VPS13B: variants seen among roughly 807,000 people sequenced by gnomAD.
VPS13B encodes the protein vacuolar protein sorting 13 homolog B.
In VPS13B, 285 loss-of-function variants were observed where a neutral mutation model predicts 426.4. The observed-to-expected ratio is 0.67, with a 90% confidence interval of 0.61 to 0.74. The LOEUF (loss-of-function observed/expected upper bound fraction) is 0.74, where lower values mean the gene tolerates loss of function less well. Ranked by LOEUF, VPS13B falls within the 30% of genes least tolerant of loss-of-function variation. VPS13B has a pLI of 0.00. For missense variants in VPS13B, 4,537 were observed against 4,782.6 expected (o/e 0.95, Z 1.51); for synonymous variants, 1,676 against 1,676.4 (o/e 1.00, Z 0.01).
chr8:99,032,442 C>A (rs898714472), intron 2 of VPS13B, among the ~76,000 whole-genome samples: 7 of 150,684 alleles, frequency 4.6e-5, no homozygotes, highest in Non-Finnish European at 8.9e-5. Flanking sequence ...TTATTAATTT[C>A]TTTTGTAATA....
intron 2 of VPS13B, among the ~76,000 whole-genome samples, chr8:99,029,243 C>T (rs1415890142): frequency 6.6e-6 from 1 of 151,082 alleles, no homozygotes; most frequent in Non-Finnish European, 1.5e-5. Context: ...AGGCGCTCCT[C>T]GCTTCCTAGA....
chr8:99,479,411 T>G (rs1819918539), intron 24 of VPS13B, among the ~76,000 whole-genome samples: 1 of 152,234 alleles, frequency 6.6e-6, no homozygotes, highest in South Asian at 2.1e-4. Context: ...AGAACTCATG[T>G]AAAGCCACCT....
At chr8:99,376,834 A>G (rs992853889) in intron 19 of VPS13B, among the ~76,000 whole-genome samples, 6 of 152,058 alleles carry the variant, frequency 3.9e-5, no homozygotes, top group Non-Finnish European at 7.4e-5. Context: ...ATTAAAAAAT[A>G]TATAGTATAT....
intron 30 of VPS13B, among the ~76,000 whole-genome samples, chr8:99,545,537 G>C (rs529678899): frequency 6.6e-6 from 1 of 152,062 alleles, no homozygotes; most frequent in African/African-American, 2.4e-5. Flanking sequence ...GTAGCTATTG[G>C]GCAGCATAAC....
At position 99,821,400 on chromosome 8, in the gene VPS13B, G is replaced by A. The variant is rs962357059; in HGVS notation, c.9101G>A (p.Gly3034Asp). The A allele has an allele frequency of 6.8e-6, 11 of 1,613,836 alleles. No homozygotes were observed. The highest frequency in any genetic ancestry group is 8.5e-6 in the Non-Finnish European group (10 of 1,179,838). Residue 3034 changes from glycine to aspartate, a missense_variant, in exon 50 of 62, where the codon GGT (glycine) becomes GAT (aspartate). By Grantham distance (94) the Gly-to-Asp change is moderately conservative (BLOSUM62 -1). This residue lies in a region of VPS13B where 4,311 missense variants were observed against 4,474.3 expected (regional missense o/e 0.96). Coordinates refer to ENST00000357162, the MANE Select transcript of VPS13B (RefSeq NM_152564.5). ...ACATCTCCAAAGTGGAAAGATGGAG[G>A]TAATGGTGAAGTTGTGACACTGGAT... ...NLTSPKWKDG[G>D]NGEVVTLDEE...
At chr8:99,040,618 G>C (rs1430163714) in intron 3 of VPS13B, among the ~76,000 whole-genome samples, 4 of 152,084 alleles carry the variant, frequency 2.6e-5, no homozygotes, top group Non-Finnish European at 5.9e-5. Context: ...TAATTAAGCA[G>C]GTACTAGTAA....
At chr8:99,411,697 C>G (rs912679839) in intron 21 of VPS13B, among the ~76,000 whole-genome samples, 1 of 152,056 alleles carries the variant, frequency 6.6e-6, no homozygotes, top group Non-Finnish European at 1.5e-5. Context: ...TGGTTTTCGT[C>G]TTACATTTAA....
chr8:99,229,544 T>G (rs566662540), intron 17 of VPS13B, among the ~76,000 whole-genome samples: 2 of 152,270 alleles, frequency 1.3e-5, no homozygotes, highest in South Asian at 4.1e-4. Context: ...GGGTTAGGGC[T>G]GGGTATGGGT....
chr8:99,816,519 G>A (rs922998622), intron 44 of VPS13B, among the ~76,000 whole-genome samples: 2 of 152,192 alleles, frequency 1.3e-5, no homozygotes, highest in East Asian at 1.9e-4. Flanking sequence ...AACTTACACA[G>A]TTTAGGCCAG....
intron 28 of VPS13B, among the ~76,000 whole-genome samples, chr8:99,509,524 C>G (rs1446543661): frequency 6.6e-6 from 1 of 151,876 alleles, no homozygotes; most frequent in African/African-American, 2.4e-5. Flanking sequence ...ATATTTTTTC[C>G]TCTCACCATG....
rs149008178 is a variant in VPS13B, at chr8:99,154,462, T to C, written c.2014-2087T>C. 8.0e-3 allele frequency among the ~76,000 whole-genome samples: 1,217 copies of C among 152,286 alleles called. 9 individuals are homozygous for C. The highest frequency in any genetic ancestry group is 0.021 in the African/African-American group (854 of 41,568). On this transcript the variant is annotated intron_variant, in intron 14 of 61. Coordinates refer to ENST00000357162, the MANE Select transcript of VPS13B (RefSeq NM_152564.5). ...GTTAGCCATGTCTGGTCTTCCAGTA[T>C]GCCTGTCAAAGGGAAAAATGCTAAC...
chr8:99,718,292 G>A (rs1321108573), intron 37 of VPS13B, among the ~76,000 whole-genome samples: 3 of 151,890 alleles, frequency 2.0e-5, no homozygotes. Context: ...TGTTGTTGAG[G>A]CTATAGATTT....
At chr8:99,844,511 G>C (rs1165886839) in intron 54 of VPS13B, among the ~76,000 whole-genome samples, 1 of 151,966 alleles carries the variant, frequency 6.6e-6, no homozygotes, top group Non-Finnish European at 1.5e-5. Context: ...GGGATTACAG[G>C]CACCCGCCAC....
At chr8:99,025,053 G>A (rs994109398) in intron 2 of VPS13B, among the ~76,000 whole-genome samples, 5 of 151,568 alleles carry the variant, frequency 3.3e-5, no homozygotes, top group Admixed American at 2.0e-4. Context: ...GTAGCTATTC[G>A]AAATGGGATC....
intron 28 of VPS13B, among the ~76,000 whole-genome samples, chr8:99,508,245 C>T (rs989705094): frequency 6.6e-6 from 1 of 152,028 alleles, no homozygotes; most frequent in Admixed American, 6.6e-5. Flanking sequence ...ATAAGATTGC[C>T]TTTAAAAATT....
intron 23 of VPS13B, among the ~76,000 whole-genome samples, chr8:99,452,047 A>G (rs1330671934): frequency 2.0e-5 from 3 of 152,154 alleles, no homozygotes; most frequent in Non-Finnish European, 4.4e-5. Context: ...GTCTTAGGGT[A>G]CATTTAAAAG....
At chr8:99,619,412 A>G (rs950434920) in intron 33 of VPS13B, among the ~76,000 whole-genome samples, 3 of 152,140 alleles carry the variant, frequency 2.0e-5, no homozygotes, top group Admixed American at 1.3e-4. Context: ...GTCTGCATCA[A>G]TTGTCTTGTT....
chr8:99,323,727 T>TGCTGTATTC (rs1284173080), intron 19 of VPS13B, among the ~76,000 whole-genome samples: 1 of 152,228 alleles, frequency 6.6e-6, no homozygotes. Flanking sequence ...GAAAACATAG[T>TGCTGTATTC]GCTGTATTCC....
intron 14 of VPS13B, among the ~76,000 whole-genome samples, chr8:99,152,992 A>G (rs1392139966): frequency 6.6e-6 from 1 of 151,996 alleles, no homozygotes; most frequent in East Asian, 1.9e-4. Context: ...GCTTGGGTAA[A>G]ACCCTGTCTC....
Sources: gnomAD v4.1 joint callset for allele counts (sites outside exome capture counted in the v4.1 genomes callset) on GRCh38, gnomAD v4.1.1 for gene constraint, gnomAD v4.1.1 regional missense constraint, MANE v1.5 for transcripts, NCBI Gene and HGNC (gene_info 2026-07-23, HGNC 2026-07-21) for gene names.